Variants in PTPRD observed in about 807,000 individuals in gnomAD.
The protein encoded by PTPRD is receptor-type tyrosine-protein phosphatase delta.
PTPRD carries 34 observed loss-of-function variants against 214.5 expected under a neutral mutation model. The observed-to-expected ratio is 0.16, with a 90% CI of 0.12 to 0.21. The LOEUF (loss-of-function observed/expected upper bound fraction) is 0.21, where lower values mean the gene tolerates loss of function less well. PTPRD is among the 10% of genes least tolerant of loss of function. The pLI is 1.00. For missense variants in PTPRD, 2,545 were observed against 2,398.7 expected, an observed-to-expected ratio of 1.06 and a Z score of -1.27; for synonymous variants, 1,128 against 845.7, an observed-to-expected ratio of 1.33 and a Z score of -5.79.
chr9:9,321,665 T>C lies in PTPRD; in HGVS notation c.-203+75784A>G, dbSNP rs568495476. ...TAATTAAAATATTTAGCTTCAGAGA[T>C]TGACCATTTTCATTTACATCTAACT... On this transcript the variant is annotated intron_variant, in intron 9 of 45. Coordinates refer to ENST00000381196, the MANE Select transcript of PTPRD (RefSeq NM_002839.4). 3.6e-4 allele frequency among the ~76,000 whole-genome samples: 55 copies of C among 152,280 alleles called. No homozygotes were observed. In the South Asian group the frequency reaches 0.011, roughly 29 times the overall value.
At chr9:8,606,036 T>A (rs1446005300) in intron 14 of PTPRD, among the ~76,000 whole-genome samples, 1 of 152,064 alleles carries the variant, frequency 6.6e-6, no homozygotes, top group Non-Finnish European at 1.5e-5. Context: ...ACTAAAAGGA[T>A]CCTTATTTCA....
At chr9:9,661,976 A>G (rs1378192671) in intron 7 of PTPRD, among the ~76,000 whole-genome samples, 1 of 151,724 alleles carries the variant, frequency 6.6e-6, no homozygotes, top group African/African-American at 2.4e-5. Flanking sequence ...CTTAACCTTA[A>G]TTTGCAATAT....
intron 8 of PTPRD, among the ~76,000 whole-genome samples, chr9:9,521,316 C>T (rs949496011): frequency 2.6e-5 from 4 of 152,154 alleles, no homozygotes; most frequent in African/African-American, 9.7e-5. Flanking sequence ...GTCCCTACTT[C>T]TTACTTGACA....
intron 10 of PTPRD, among the ~76,000 whole-genome samples, chr9:9,094,149 T>C (rs1299551037): frequency 3.3e-5 from 5 of 152,152 alleles, no homozygotes; most frequent in Non-Finnish European, 7.4e-5. Context: ...ATTAATTAAA[T>C]GAATTGAATT....
At chr9:9,733,467 G>C (rs766494976) in intron 7 of PTPRD, among the ~76,000 whole-genome samples, 1 of 152,156 alleles carries the variant, frequency 6.6e-6, no homozygotes, top group East Asian at 1.9e-4. Context: ...ATGTGGTACT[G>C]TTTGGTGGGA....
At chr9:10,344,944 T>G (rs190280038) in intron 2 of PTPRD, among the ~76,000 whole-genome samples, 1 of 152,320 alleles carries the variant, frequency 6.6e-6, no homozygotes, top group East Asian at 1.9e-4. Flanking sequence ...TCATTTTAGA[T>G]GCTATTATAA....
At chr9:10,395,096 C>CTTT (rs988930051) in intron 2 of PTPRD, among the ~76,000 whole-genome samples, 34 of 150,214 alleles carry the variant, frequency 2.3e-4, no homozygotes, top group Middle Eastern at 3.4e-3. Flanking sequence ...TGCAGGCTTT[C>CTTT]TTTTTATTAT....
chr9:10,270,244 G>GC (rs2094342275), intron 3 of PTPRD, among the ~76,000 whole-genome samples: 1 of 99,800 alleles, frequency 1.0e-5, no homozygotes, highest in Non-Finnish European at 2.8e-5. Flanking sequence ...TATCATAAAT[G>GC]TTTTTTAAGA....
chr9:8,818,497 T>C (rs2096969365), intron 11 of PTPRD, among the ~76,000 whole-genome samples: 2 of 152,330 alleles, frequency 1.3e-5, no homozygotes, highest in African/African-American at 2.4e-5. Flanking sequence ...CATGATCATA[T>C]ACAAATGTCT....
chr9:10,076,872 T>G (rs2098140098), intron 3 of PTPRD, among the ~76,000 whole-genome samples: 1 of 152,184 alleles, frequency 6.6e-6, no homozygotes, highest in African/African-American at 2.4e-5. Context: ...GAAGGTCAAT[T>G]TGAAACCAAG....
intron 2 of PTPRD, among the ~76,000 whole-genome samples, chr9:10,481,971 C>T (rs1235097796): frequency 6.6e-6 from 1 of 151,898 alleles, no homozygotes; most frequent in Non-Finnish European, 1.5e-5. Context: ...ACTTTATCCT[C>T]TCCAGACTTT....
Position 8,633,378 on chromosome 9 carries a change from T to G in PTPRD, c.291A>C (p.Glu97Asp). 6.2e-7 allele frequency: 1 copy of G among 1,612,884 alleles called. No individual in the cohort carries two copies. Among genetic ancestry groups the G allele is most frequent in the South Asian group, 1.1e-5 (1 of 91,028 alleles). Residue 97 changes from glutamate to aspartate, a missense_variant, in exon 14 of 46, where the codon GAA (glutamate) becomes GAC (aspartate). Coordinates refer to ENST00000381196, the MANE Select transcript of PTPRD (RefSeq NM_002839.4). ...CTCCCACATTATTTGAGGCCACACA[T>G]TCATAAATGGCCTCATCCCTCGGAG... ...LRTPRDEAIYECVASNNVGEI... is the reference protein window; with the variant it reads ...LRTPRDEAIYDCVASNNVGEI...
chr9:9,943,785 T>C (rs1470084778), intron 4 of PTPRD, among the ~76,000 whole-genome samples: 1 of 152,106 alleles, frequency 6.6e-6, no homozygotes, highest in Admixed American at 6.6e-5. Flanking sequence ...GCTTGGTAAG[T>C]ACAGTAGACA....
chr9:9,377,892 TG>T (rs2061221534), intron 9 of PTPRD, among the ~76,000 whole-genome samples: 1 of 151,896 alleles, frequency 6.6e-6, no homozygotes, highest in African/African-American at 2.4e-5. Flanking sequence ...AGAAGATTTT[TG>T]TTTTGTTGTT....
At position 8,325,533 on chromosome 9, in the gene PTPRD, G is replaced by C. The variant is rs544157061; in HGVS notation, c.5535-5567C>G. On this transcript the variant is annotated intron_variant, in intron 44 of 45. Transcript: ENST00000381196. ...CAGGTAGCATGATCTCTCAAGCCTTGTTCTTTTTGCTTAGGATTGTCTTGG... is the reference window on the plus strand; with the variant it reads ...CAGGTAGCATGATCTCTCAAGCCTTCTTCTTTTTGCTTAGGATTGTCTTGG... Among the ~76,000 whole-genome samples the C allele has an allele frequency of 1.7e-3, 250 of 147,154 alleles. 1 individual carries two copies. Among genetic ancestry groups the C allele is most frequent in the African/African-American group, 5.9e-3 (238 of 40,430 alleles).
intron 7 of PTPRD, among the ~76,000 whole-genome samples, chr9:9,602,589 C>G (rs1466209364): frequency 1.3e-5 from 2 of 152,020 alleles, no homozygotes; most frequent in African/African-American, 4.8e-5. Flanking sequence ...CCTCATCGCT[C>G]ATTATATTCC....
At chr9:8,989,900 C>T (rs762584720) in intron 11 of PTPRD, among the ~76,000 whole-genome samples, 15 of 151,900 alleles carry the variant, frequency 9.9e-5, no homozygotes, top group Non-Finnish European at 2.1e-4. Flanking sequence ...AATAAAATTG[C>T]CCATATAAGT....
At chr9:9,796,332 A>T (rs2099002225) in intron 5 of PTPRD, among the ~76,000 whole-genome samples, 1 of 152,174 alleles carries the variant, frequency 6.6e-6, no homozygotes, top group South Asian at 2.1e-4. Context: ...AGAGTACTGA[A>T]AAGGATTCAA....
chr9:8,600,418 C>G (rs56774055), intron 14 of PTPRD, among the ~76,000 whole-genome samples: 31,495 of 151,994 alleles, frequency 0.21, 3,685 homozygotes, highest in African/African-American at 0.33. Flanking sequence ...AACCTACTAA[C>G]ACTCCAGCCT....
Sources: allele counts gnomAD v4.1 joint callset (sites outside exome capture counted in the v4.1 genomes callset), GRCh38; gene constraint gnomAD v4.1.1; transcripts MANE v1.5; gene names NCBI Gene and HGNC (gene_info 2026-07-23, HGNC 2026-07-21).